KCNMB2: variants seen among roughly 807,000 people sequenced by gnomAD.
KCNMB2 encodes calcium-activated potassium channel subunit beta-2.
In KCNMB2, 9 loss-of-function variants were observed where a neutral mutation model predicts 24.5. The ratio of observed to expected loss-of-function variants is 0.37; its 90% confidence interval spans 0.22 to 0.64. The LOEUF is 0.64. Among genes scored for constraint, KCNMB2 ranks in the 30% least tolerant of loss-of-function variants. KCNMB2 has a pLI of 0.63. For synonymous variants in KCNMB2, 109 were observed against 104.4 expected, an observed-to-expected ratio of 1.04 and a Z score of -0.27; for missense variants, 226 against 284.3, an observed-to-expected ratio of 0.79 and a Z score of 1.47.
At chr3:178,567,887 C>A (rs570978074) in intron 1 of KCNMB2, among the ~76,000 whole-genome samples, 1 of 152,136 alleles carries the variant, frequency 6.6e-6, no homozygotes, top group Non-Finnish European at 1.5e-5. Flanking sequence ...CAGTTTACTG[C>A]TCCCTTAAAT....
chr3:178,561,850 C>T (rs1382683998), intron 1 of KCNMB2, among the ~76,000 whole-genome samples: 1 of 152,174 alleles, frequency 6.6e-6, no homozygotes, highest in Non-Finnish European at 1.5e-5. Flanking sequence ...TTACAGGACA[C>T]CAAACCAGCC....
intron 1 of KCNMB2, among the ~76,000 whole-genome samples, chr3:178,545,813 G>A (rs964738551): frequency 2.0e-5 from 3 of 152,156 alleles, no homozygotes; most frequent in Admixed American, 1.3e-4. Flanking sequence ...ATTAGAAGGG[G>A]GAAAAGAAAC....
intron 1 of KCNMB2, among the ~76,000 whole-genome samples, chr3:178,761,764 T>G (rs945499337): frequency 1.3e-5 from 2 of 152,140 alleles, no homozygotes; most frequent in African/African-American, 4.8e-5. Context: ...AAAAAAAATA[T>G]AGACAATGTC....
chr3:178,754,195 C>CATATATAT (rs144108176), intron 1 of KCNMB2, among the ~76,000 whole-genome samples: 2,689 of 137,432 alleles, frequency 0.02, 51 homozygotes, highest in South Asian at 0.1. Flanking sequence ...CACACACATA[C>CATATATAT]ATATATATAT....
At chr3:178,549,474 C>CTTTTTTTT (rs1237618463) in intron 1 of KCNMB2, among the ~76,000 whole-genome samples, 343 of 94,602 alleles carry the variant, frequency 3.6e-3, no homozygotes, top group Non-Finnish European at 4.5e-3. Context: ...CAATGCCCAG[C>CTTTTTTTT]TTTTTTTTTT....
chr3:178,578,478 C>T (rs751949980), intron 1 of KCNMB2, among the ~76,000 whole-genome samples: 2 of 152,158 alleles, frequency 1.3e-5, no homozygotes, highest in Non-Finnish European at 2.9e-5. Context: ...AACTGACAGT[C>T]AAAATAACCA....
At chr3:178,626,911 A>C (rs1159492033) in intron 1 of KCNMB2, among the ~76,000 whole-genome samples, 1 of 148,978 alleles carries the variant, frequency 6.7e-6, no homozygotes, top group South Asian at 2.1e-4. Flanking sequence ...GTATATATAT[A>C]AGTATATATA....
At chr3:178,776,684 C>T (rs1005858035) in intron 1 of KCNMB2, among the ~76,000 whole-genome samples, 20 of 152,104 alleles carry the variant, frequency 1.3e-4, no homozygotes, top group Admixed American at 1.1e-3. Flanking sequence ...GTATCATAGA[C>T]GACCCTCCCA....
At chr3:178,562,246 GCAAT>G (rs1716345648) in intron 1 of KCNMB2, among the ~76,000 whole-genome samples, 1 of 152,204 alleles carries the variant, frequency 6.6e-6, no homozygotes, top group African/African-American at 2.4e-5. Context: ...TTTTGGTTAT[GCAAT>G]CACTCACTGA....
intron 1 of KCNMB2, among the ~76,000 whole-genome samples, chr3:178,763,644 AT>A (rs1712001185): frequency 6.6e-6 from 1 of 152,160 alleles, no homozygotes; most frequent in African/African-American, 2.4e-5. Context: ...TGATGATACA[AT>A]TTAGGATATG....
intron 4 of KCNMB2, among the ~76,000 whole-genome samples, chr3:178,839,110 T>C (rs1486595058): frequency 6.6e-6 from 1 of 151,938 alleles, no homozygotes; most frequent in African/African-American, 2.4e-5. Flanking sequence ...GAGAGGTTCT[T>C]ACCAATAGAG....
At chr3:178,702,120 A>T (rs1290587513) in intron 1 of KCNMB2, among the ~76,000 whole-genome samples, 4 of 152,132 alleles carry the variant, frequency 2.6e-5, no homozygotes, top group African/African-American at 9.6e-5. Context: ...TGATGAGTTC[A>T]TGTCCTTTGT....
intron 1 of KCNMB2, among the ~76,000 whole-genome samples, chr3:178,698,465 T>C (rs1337320370): frequency 6.6e-6 from 1 of 152,242 alleles, no homozygotes; most frequent in Non-Finnish European, 1.5e-5. Context: ...TAGCCCTATC[T>C]GGTCAGTTAC....
At chr3:178,699,759 A>T (rs924897007) in intron 1 of KCNMB2, among the ~76,000 whole-genome samples, 1 of 152,158 alleles carries the variant, frequency 6.6e-6, no homozygotes, top group Non-Finnish European at 1.5e-5. Context: ...GCTGTCCCTG[A>T]CCGTGCTCCA....
chr3:178,807,009 C>A (rs1713998114), intron 1 of KCNMB2, among the ~76,000 whole-genome samples: 1 of 152,132 alleles, frequency 6.6e-6, no homozygotes, highest in African/African-American at 2.4e-5. Flanking sequence ...CAGCATAGTA[C>A]AGAGTATGAA....
At chr3:178,624,585 T>C (rs1451482800) in intron 1 of KCNMB2, among the ~76,000 whole-genome samples, 1 of 83,124 alleles carries the variant, frequency 1.2e-5, no homozygotes, top group Non-Finnish European at 2.2e-5. Context: ...TTCTATTTTT[T>C]CTTTTTTTCT....
chr3:178,722,845 A>T (rs931706615), intron 1 of KCNMB2, among the ~76,000 whole-genome samples: 7 of 152,150 alleles, frequency 4.6e-5, no homozygotes, highest in Admixed American at 1.3e-4. Context: ...ATGAGCTGAG[A>T]TTGCACCACT....
intron 2 of KCNMB2, among the ~76,000 whole-genome samples, chr3:178,808,419 G>A (rs1714064381): frequency 6.6e-6 from 1 of 152,124 alleles, no homozygotes; most frequent in East Asian, 1.9e-4. Context: ...GGAAATTTGT[G>A]AAAAAATAAT....
chr3:178,753,179 T>A (rs937956435), intron 1 of KCNMB2, among the ~76,000 whole-genome samples: 2 of 152,350 alleles, frequency 1.3e-5, no homozygotes, highest in Non-Finnish European at 2.9e-5. Flanking sequence ...TAGTGATAGT[T>A]ATGTCTGTAG....
Sources: gnomAD v4.1 joint callset for allele counts (sites outside exome capture counted in the v4.1 genomes callset) on GRCh38, gnomAD v4.1.1 for gene constraint, MANE v1.5 for transcripts, NCBI Gene and HGNC (gene_info 2026-07-23, HGNC 2026-07-21) for gene names.